NF2: variants seen among roughly 807,000 people sequenced by gnomAD.
The protein encoded by NF2 is NF2, moesin-ezrin-radixin like (MERLIN) tumor suppressor.
A neutral mutation model predicts 83.7 loss-of-function variants in NF2; 8 were observed. The observed-to-expected ratio is 0.10, with a 90% CI of 0.06 to 0.17. The LOEUF is 0.17. Among genes scored for constraint, NF2 ranks in the 10% least tolerant of loss-of-function variants. The pLI is 1.00. For synonymous variants in NF2, 266 were observed against 269.6 expected (o/e 0.99, Z 0.13); for missense variants, 533 against 744.4 (o/e 0.72, Z 3.31).
At chr22:29,657,982 A>T (rs537061572) in intron 6 of NF2, among the ~76,000 whole-genome samples, 8 of 152,240 alleles carry the variant, frequency 5.3e-5, no homozygotes, top group African/African-American at 1.7e-4. Flanking sequence ...CTATCTTTTG[A>T]TGGGGATGGG....
At chr22:29,606,278 C>T (rs1178826114) in intron 1 of NF2, among the ~76,000 whole-genome samples, 1 of 152,172 alleles carries the variant, frequency 6.6e-6, no homozygotes, top group Non-Finnish European at 1.5e-5. Flanking sequence ...CCTTCTTCCA[C>T]CTAGTCCCTA....
At chr22:29,673,582 G>A in intron 12 of NF2, 96 bp downstream of exon 12, 1 of 1,357,820 alleles carries the variant, frequency 7.4e-7, no homozygotes, top group Non-Finnish European at 1.0e-6. Context: ...TTGTCCTCAA[G>A]CTGCTTGCCC....
intron 14 of NF2, among the ~76,000 whole-genome samples, chr22:29,681,054 CT>C (rs572113720): frequency 1.3e-3 from 185 of 143,510 alleles, no homozygotes; most frequent in African/African-American, 1.6e-3. Flanking sequence ...CTTTCCTTTT[CT>C]TTTTTTTTTT....
chr22:29,678,510 C>T (rs2067035676), intron 14 of NF2, among the ~76,000 whole-genome samples, 187 bp downstream of exon 14: 1 of 152,186 alleles, frequency 6.6e-6, no homozygotes, highest in African/African-American at 2.4e-5. Flanking sequence ...AACAGATCAG[C>T]ATTCATTCTG....
In NF2 at chr22:29,673,403, G is replaced by A. The variant is rs375969005; in HGVS notation, c.1257G>A (p.Thr419=). The change falls in exon 12 of 16, where the codon ACG becomes ACA. Residue 419 remains threonine, a synonymous_variant. Coordinates refer to ENST00000338641, the MANE Select transcript of NF2 (RefSeq NM_000268.4). ...GCATCAAGGCCACAGCGATTCGCAC[G>A]GAGGAGGAGAAGCGCCTGATGGAGC... is the stretch of plus-strand genomic sequence containing the variant. ...MQRIKATAIR[T]EEEKRLMEQK... is the part of the protein sequence containing the mutation. The A allele has an allele frequency of 6.8e-6, 11 of 1,612,480 alleles. No homozygotes were observed. The highest frequency in any genetic ancestry group is 2.2e-5 in the East Asian group (1 of 44,840).
At chr22:29,649,778 A>T (rs1164176473) in intron 4 of NF2, among the ~76,000 whole-genome samples, 1 of 148,554 alleles carries the variant, frequency 6.7e-6, no homozygotes, top group African/African-American at 2.6e-5. Context: ...AGCCACTGGT[A>T]CAAAAAAAAA....
At position 29,695,059 on chromosome 22, in the gene NF2, G is replaced by A. The variant is rs531470040; in HGVS notation, c.*257G>A. 37 of 581,440 alleles carry A rather than the reference G, an allele frequency of 6.4e-5. No homozygotes were observed. In the South Asian group the frequency reaches 7.0e-4, roughly 11 times the overall value. 36.0% of individuals were successfully genotyped at this position (581,440 alleles called of 1,614,324 possible). A position where few individuals can be genotyped will look rare whatever the true frequency, so the allele number is the denominator to read the frequency against. On this transcript the variant is annotated 3_prime_UTR_variant, in exon 16 of 16. Transcript: ENST00000338641. The surrounding 1 kb of genome is among the most constrained non-coding windows in gnomAD (Gnocchi z 5.4). ...TTTTAAGAAGTATTTGTCTTCCTTT[G>A]TCTAATGTGGGATTCCTGACTCCCT...
rs532229461 is a variant in NF2, at chr22:29,665,318, A to G, written c.885+254A>G. Among the ~76,000 whole-genome samples the G allele has an allele frequency of 1.4e-3, 219 of 151,420 alleles. 2 individuals are homozygous for G. The highest frequency in any genetic ancestry group is 2.2e-4 in the Non-Finnish European group (15 of 67,924). ...TGCAGTGGCAGTGCCATCTCGGCTC[A>G]CTGCAACGTCCGCCTCCCAGATTCA... is the stretch of plus-strand genomic sequence containing the variant. On this transcript the variant is annotated intron_variant, in intron 9 of 15. Transcript: ENST00000338641.
At chr22:29,604,261 G>C (rs2064725478) in intron 1 of NF2, 149 bp downstream of exon 1, 4 of 689,462 alleles carry the variant, frequency 5.8e-6, no homozygotes, top group Non-Finnish European at 1.0e-5. Flanking sequence ...GATGATTGCT[G>C]CTTTTTTTCA....
chr22:29,660,226 C>T (rs1172809413), intron 7 of NF2, among the ~76,000 whole-genome samples: 4 of 152,196 alleles, frequency 2.6e-5, no homozygotes, highest in East Asian at 1.9e-4. Flanking sequence ...GGGCACCCGC[C>T]GCGGGCTGCT....
At chr22:29,611,612 T>C (rs1343581152) in intron 1 of NF2, among the ~76,000 whole-genome samples, 1 of 152,210 alleles carries the variant, frequency 6.6e-6, no homozygotes. Flanking sequence ...ACTACTGCTA[T>C]TCAGCATTGT....
intron 1 of NF2, among the ~76,000 whole-genome samples, chr22:29,628,289 C>G (rs762090279): frequency 2.6e-5 from 4 of 151,948 alleles, no homozygotes; most frequent in Non-Finnish European, 5.9e-5. Context: ...AAAGCCCATA[C>G]TGATTCATGT....
chr22:29,626,981 A>G (rs561606930), intron 1 of NF2, among the ~76,000 whole-genome samples: 1 of 152,294 alleles, frequency 6.6e-6, no homozygotes, highest in South Asian at 2.1e-4. Context: ...CAATTTTACT[A>G]CATCAGAGAG....
At chr22:29,633,397 C>T (rs2065565378) in intron 1 of NF2, among the ~76,000 whole-genome samples, 1 of 152,188 alleles carries the variant, frequency 6.6e-6, no homozygotes, top group South Asian at 2.1e-4. Context: ...TCTGTCTCCT[C>T]TGGTCCTGTT....
intron 4 of NF2, 45 bp from the exon 5 acceptor site, chr22:29,654,612 T>A: frequency 6.5e-7 from 1 of 1,544,382 alleles, no homozygotes; most frequent in Non-Finnish European, 9.0e-7. Context: ...AAATGGCAGT[T>A]ATCTTTAGAA....
chr22:29,616,546 C>T (rs949093905), intron 1 of NF2, among the ~76,000 whole-genome samples: 1 of 152,114 alleles, frequency 6.6e-6, no homozygotes, highest in African/African-American at 2.4e-5. Flanking sequence ...AGTTTCATAC[C>T]AGCCTGGCCA....
chr22:29,621,220 A>G (rs1420757663), intron 1 of NF2, among the ~76,000 whole-genome samples: 1 of 152,236 alleles, frequency 6.6e-6, no homozygotes, highest in African/African-American at 2.4e-5. Flanking sequence ...CTGAGGCAGC[A>G]TAGCCTAGAG....
At chr22:29,686,769 T>C (rs1008499386) in intron 15 of NF2, among the ~76,000 whole-genome samples, 11 of 152,254 alleles carry the variant, frequency 7.2e-5, no homozygotes, top group Non-Finnish European at 1.5e-4. Flanking sequence ...TCCCAATTGA[T>C]GATCAGTACA....
At chr22:29,677,251 G>A (rs895519458) in intron 13 of NF2, among the ~76,000 whole-genome samples, 1 of 152,184 alleles carries the variant, frequency 6.6e-6, no homozygotes, top group Non-Finnish European at 1.5e-5. Flanking sequence ...GCAAAGAAAA[G>A]GGTTGCCGGC....
Sources: gnomAD v4.1 joint callset for allele counts (sites outside exome capture counted in the v4.1 genomes callset) on GRCh38, gnomAD v4.1.1 for gene constraint, Gnocchi (gnomAD v3.1) non-coding constraint, MANE v1.5 for transcripts, NCBI Gene and HGNC (gene_info 2026-07-23, HGNC 2026-07-21) for gene names.